Variants in AJAP1 observed in about 807,000 individuals in gnomAD.
The protein encoded by AJAP1 is adherens junctions associated protein 1, also known as adherens junction-associated protein 1.
In AJAP1, 5 loss-of-function variants were observed where a neutral mutation model predicts 35.0. That is an observed-to-expected ratio of 0.14 (90% CI 0.07 to 0.30). AJAP1 has a LOEUF of 0.30. Among genes scored for constraint, AJAP1 ranks in the 10% least tolerant of loss-of-function variants. AJAP1 has a pLI of 1.00. For synonymous variants in AJAP1, 284 were observed against 249.3 expected (o/e 1.14, Z -1.31); for missense variants, 586 against 571.0 (o/e 1.03, Z -0.27).
Position 4,712,438 on chromosome 1 carries a change from G to A in AJAP1, c.568G>A (p.Glu190Lys), listed in dbSNP as rs764876909. Residue 190 changes from glutamate (E) to lysine (K), a missense_variant, in exon 2 of 6, where the codon GAG becomes AAG. Physicochemically the swap from Glu to Lys is moderately conservative, Grantham distance 56. Coordinates refer to ENST00000378191, the MANE Select transcript of AJAP1 (RefSeq NM_018836.4). ...FIAWGPTGDE[E>K]ALESNTFPGV... ...CGCCTGGGGGCCCACGGGGGACGAG[G>A]AGGCCCTGGAGTCCAACACATTTCC... The A allele has an allele frequency of 1.9e-6, 3 of 1,606,828 alleles. No individual in the cohort carries two copies. In the Admixed American group the frequency reaches 5.1e-5, roughly 27 times the overall value.
In AJAP1 at chr1:4,787,785, G is replaced by C; in HGVS notation, c.*5300G>C. On this transcript the variant is annotated 3_prime_UTR_variant, in exon 6 of 6. Coordinates refer to ENST00000378191, the MANE Select transcript of AJAP1 (RefSeq NM_018836.4). ...GTTCAACGTCAGCGACTTGGCCCAC[G>C]GGGCACGGGCACCTTGGGGATGCCA... 1 of 454,028 alleles carries C rather than the reference G, an allele frequency of 2.2e-6. No individual in the cohort carries two copies. Among genetic ancestry groups the C allele is most frequent in the Non-Finnish European group, 4.4e-6 (1 of 225,546 alleles). The allele number at this position is 454,028 out of a possible 1,614,324, so 28.1% of individuals were successfully genotyped here.
At chr1:4,739,302 CAGGCTTTGGGGT>C (rs1557633945) in intron 2 of AJAP1, among the ~76,000 whole-genome samples, 4 of 152,198 alleles carry the variant, frequency 2.6e-5, no homozygotes. Context: ...CAAGTATCGG[CAGGCTTTGGGGT>C]CTGCCGGCCT....
chr1:4,695,732 A>G (rs1259759166), intron 1 of AJAP1, among the ~76,000 whole-genome samples: 1 of 152,000 alleles, frequency 6.6e-6, no homozygotes. Flanking sequence ...GTCTGTTCTC[A>G]TCTCTTCTTT....
At chr1:4,679,131 C>T (rs1036475689) in intron 1 of AJAP1, among the ~76,000 whole-genome samples, 2 of 152,214 alleles carry the variant, frequency 1.3e-5, no homozygotes, top group African/African-American at 4.8e-5. Context: ...CCAGCTTTCT[C>T]AAGTTTGGAA....
Position 4,661,595 on chromosome 1 carries a change from A to G in AJAP1, c.29+6141A>G, listed in dbSNP as rs370498450. ...GGCTTTCTTGTCTTATACAAAATCTACTTCTTACTCACTTTATTAAGTTAC... is the reference window on the plus strand; with the variant it reads ...GGCTTTCTTGTCTTATACAAAATCTGCTTCTTACTCACTTTATTAAGTTAC... On this transcript the variant is annotated intron_variant, in intron 1 of 5. Transcript: ENST00000378191. 1.4e-4 allele frequency among the ~76,000 whole-genome samples: 22 copies of G among 152,294 alleles called. 1 individual carries two copies. The highest frequency in any genetic ancestry group is 5.3e-4 in the African/African-American group (22 of 41,544).
rs188120006 is a variant in AJAP1, at chr1:4,782,382, C to T, written c.*60-163C>T. 1.6e-3 allele frequency among the ~76,000 whole-genome samples: 240 copies of T among 152,284 alleles called. 2 individuals carry two copies. Among genetic ancestry groups the T allele is most frequent in the Admixed American group, 7.6e-3 (117 of 15,306 alleles). On this transcript the variant is annotated intron_variant, in intron 5 of 5. Transcript: ENST00000378191. The surrounding 1 kb of genome is among the most constrained non-coding windows in gnomAD (Gnocchi z 5.3). ...ACCAGTTCTAGTGAGGCCTTGTCCACGTTCCAAGGACCCCTCCGTGTCAGT... is the reference window on the plus strand; with the variant it reads ...ACCAGTTCTAGTGAGGCCTTGTCCATGTTCCAAGGACCCCTCCGTGTCAGT...
At chr1:4,776,414 G>T (rs1003753268) in intron 5 of AJAP1, among the ~76,000 whole-genome samples, 2 of 152,196 alleles carry the variant, frequency 1.3e-5, no homozygotes, top group African/African-American at 4.8e-5. Flanking sequence ...GCCGAGGTCA[G>T]CCAGGTTGTT....
In AJAP1 at chr1:4,782,565, AAAAACAAAACAAAC is replaced by A. The variant is rs1290723413; in HGVS notation, c.*94_*107del. On this transcript the variant is annotated 3_prime_UTR_variant, in exon 6 of 6. Coordinates refer to ENST00000378191, the MANE Select transcript of AJAP1 (RefSeq NM_018836.4). This position sits in a 1 kb window ranked among gnomAD's most constrained non-coding sequence, Gnocchi z 5.3. Reference sequence around the variant, plus strand: ...CACAGGATTCCGTTGGTGAACCTGTAAAAACAAAACAAACAAAACAAAACAAAAAAGACAAAACC... The same window carrying A: ...CACAGGATTCCGTTGGTGAACCTGTAAAAACAAAACAAAAAAGACAAAACC... 2 of 392,634 alleles carry A rather than the reference AAAAACAAAACAAAC, an allele frequency of 5.1e-6. No individual in the cohort carries two copies. The highest frequency in any genetic ancestry group is 3.6e-5 in the East Asian group (1 of 27,796). 24.3% of individuals were successfully genotyped at this position (392,634 alleles called of 1,614,324 possible). A position where few individuals can be genotyped will look rare whatever the true frequency, so the allele number is the denominator to read the frequency against.
intron 2 of AJAP1, among the ~76,000 whole-genome samples, chr1:4,735,578 A>C (rs1195574009): frequency 6.6e-6 from 1 of 152,204 alleles, no homozygotes; most frequent in Non-Finnish European, 1.5e-5. Context: ...CTGAATAGCC[A>C]GGGACATTCA....
chr1:4,744,396 CA>C (rs545977627), intron 2 of AJAP1, among the ~76,000 whole-genome samples: 167 of 152,282 alleles, frequency 1.1e-3, no homozygotes, highest in Admixed American at 2.2e-3. Flanking sequence ...ATCAGCAGAG[CA>C]ATTATTAAAC....
At chr1:4,772,083 A>AT (rs111647192) in intron 3 of AJAP1, among the ~76,000 whole-genome samples, 197 bp from the exon 4 acceptor site, 64 of 149,366 alleles carry the variant, frequency 4.3e-4, no homozygotes, top group East Asian at 1.0e-3. Context: ...TTCAAATTTC[A>AT]TTTTTTTTTT....
intron 1 of AJAP1, among the ~76,000 whole-genome samples, chr1:4,687,883 G>A (rs570286590): frequency 3.5e-4 from 53 of 152,206 alleles, no homozygotes; most frequent in Non-Finnish European, 7.1e-4. Context: ...GGGACACAGA[G>A]GTGAACTGAG....
chr1:4,678,334 A>G (rs2071992), intron 1 of AJAP1, among the ~76,000 whole-genome samples: 4,167 of 152,282 alleles, frequency 0.027, 117 homozygotes, highest in East Asian at 0.074. Flanking sequence ...ACAAATGACA[A>G]CTCATACATA....
At chr1:4,755,662 A>C (rs1489278190) in intron 2 of AJAP1, among the ~76,000 whole-genome samples, 1 of 152,194 alleles carries the variant, frequency 6.6e-6, no homozygotes, top group Non-Finnish European at 1.5e-5. Flanking sequence ...GAGAGCAGTA[A>C]GGAATGCTTT....
intron 1 of AJAP1, among the ~76,000 whole-genome samples, chr1:4,671,411 A>C (rs1639245815): frequency 1.2e-5 from 1 of 86,672 alleles, no homozygotes; most frequent in African/African-American, 3.3e-5. Context: ...TCAGGAGGAC[A>C]TAGGACATGA....
At chr1:4,744,974 A>C (rs3753708) in intron 2 of AJAP1, among the ~76,000 whole-genome samples, 33,239 of 151,726 alleles carry the variant, frequency 0.22, 4,002 homozygotes, top group Admixed American at 0.32. Context: ...CAGGGTCCAG[A>C]CCTCTCCTAT....
chr1:4,729,919 G>A (rs561801326), intron 2 of AJAP1, among the ~76,000 whole-genome samples: 1 of 152,284 alleles, frequency 6.6e-6, no homozygotes, highest in Non-Finnish European at 1.5e-5. Context: ...AGGCACTTGC[G>A]TGAGGACGTT....
chr1:4,722,043 G>A (rs1344542388), intron 2 of AJAP1, among the ~76,000 whole-genome samples: 1 of 152,244 alleles, frequency 6.6e-6, no homozygotes, highest in Admixed American at 6.5e-5. Context: ...GGGTCACTGG[G>A]AACACGTCTG....
chr1:4,724,237 A>T (rs890017933), intron 2 of AJAP1, among the ~76,000 whole-genome samples: 3 of 152,074 alleles, frequency 2.0e-5, no homozygotes, highest in Non-Finnish European at 4.4e-5. Context: ...GGCGGCCGGG[A>T]TGAGGAAGGC....
Sources: gnomAD v4.1 joint callset for allele counts (sites outside exome capture counted in the v4.1 genomes callset) on GRCh38, gnomAD v4.1.1 for gene constraint, Gnocchi (gnomAD v3.1) non-coding constraint, MANE v1.5 for transcripts, NCBI Gene and HGNC (gene_info 2026-07-23, HGNC 2026-07-21) for gene names.